TRPC4: variants seen among roughly 807,000 people sequenced by gnomAD.
The protein encoded by TRPC4 is short transient receptor potential channel 4.
TRPC4 carries 49 observed loss-of-function variants against 99.4 expected under a neutral mutation model. The ratio of observed to expected loss-of-function variants is 0.49; its 90% CI spans 0.39 to 0.63. The LOEUF (loss-of-function observed/expected upper bound fraction) is 0.63, where lower values mean the gene tolerates loss of function less well. Among genes scored for constraint, TRPC4 ranks in the 20% least tolerant of loss-of-function variants. The pLI, the probability that TRPC4 is intolerant of heterozygous loss-of-function variation, is 0.00. For synonymous variants in TRPC4, 454 were observed against 425.9 expected, an observed-to-expected ratio of 1.07 and a Z score of -0.81; for missense variants, 898 against 1,152.9, an observed-to-expected ratio of 0.78 and a Z score of 3.20.
At chr13:37,837,799 G>A (rs1411637833) in intron 1 of TRPC4, among the ~76,000 whole-genome samples, 1 of 152,132 alleles carries the variant, frequency 6.6e-6, no homozygotes, top group African/African-American at 2.4e-5. Context: ...ATAAGATGTG[G>A]GACGAGCCAG....
At position 37,637,179 on chromosome 13, in the gene TRPC4, C is replaced by T. The variant is rs1951556825; in HGVS notation, c.2658G>A (p.Leu886=). Residue 886 remains leucine, a synonymous_variant, in exon 11 of 11, where the codon CTG becomes CTA. Transcript: ENST00000379705. ...AAGPLERNIQ[L]ESRGLASRGD... ...CCCGTGAAGCTAATCCTCGAGATTC[C>T]AGTTGAATATTTCTCTCAAGTGGTC... is the stretch of plus-strand genomic sequence containing the variant. 2 of 1,613,702 alleles carry T rather than the reference C, an allele frequency of 1.2e-6. No homozygotes were observed. Among genetic ancestry groups the T allele is most frequent in the Admixed American group, 3.3e-5 (2 of 59,926 alleles).
rs770462488 is a variant in TRPC4, at chr13:37,753,559, A to AAGAG, written c.379-7108_379-7105dup. Among the ~76,000 whole-genome samples, 1,241 of 131,678 alleles carry AAGAG rather than the reference A, an allele frequency of 9.4e-3. 18 individuals carry two copies. The highest frequency in any genetic ancestry group is 0.021 in the African/African-American group (732 of 34,722). 86.4% of individuals were successfully genotyped at this position (131,678 alleles called of 152,430 possible). ...AGGAAAGATGAGAGACAGAGAAAGA[A>AAGAG]AGAGAGAGAGAGAGAAAGAGAGAGA... On this transcript the variant is annotated intron_variant, in intron 2 of 10. Coordinates refer to ENST00000379705, the MANE Select transcript of TRPC4 (RefSeq NM_016179.4).
intron 3 of TRPC4, among the ~76,000 whole-genome samples, chr13:37,694,597 T>C (rs1953847944): frequency 6.6e-6 from 1 of 152,258 alleles, no homozygotes; most frequent in African/African-American, 2.4e-5. Flanking sequence ...AAAGTTGCCA[T>C]TGCAAAGTGC....
intron 1 of TRPC4, among the ~76,000 whole-genome samples, chr13:37,788,775 T>C (rs986097198): frequency 2.0e-5 from 3 of 152,148 alleles, no homozygotes; most frequent in African/African-American, 7.2e-5. Flanking sequence ...TAAAATATCC[T>C]ATAAAATCTA....
intron 1 of TRPC4, among the ~76,000 whole-genome samples, chr13:37,799,342 C>T (rs1461223949): frequency 1.3e-5 from 2 of 152,146 alleles, no homozygotes; most frequent in Non-Finnish European, 2.9e-5. Context: ...CAAGACTGAT[C>T]TGATTTTTCT....
intron 3 of TRPC4, among the ~76,000 whole-genome samples, chr13:37,712,866 T>C (rs2138993309): frequency 6.6e-6 from 1 of 152,182 alleles, no homozygotes; most frequent in Admixed American, 6.6e-5. Context: ...TTATTGTGCA[T>C]TTGTATTTGT....
At chr13:37,695,317 C>A (rs1394970839) in intron 3 of TRPC4, among the ~76,000 whole-genome samples, 2 of 152,096 alleles carry the variant, frequency 1.3e-5, no homozygotes, top group African/African-American at 4.8e-5. Context: ...CTGAAGGACA[C>A]CCTCAGTGAG....
At chr13:37,733,593 A>G (rs74047141) in intron 3 of TRPC4, among the ~76,000 whole-genome samples, 3,406 of 152,256 alleles carry the variant, frequency 0.022, 92 homozygotes, top group African/African-American at 0.065. Context: ...ATTGATCTAC[A>G]TATTTAATCA....
intron 1 of TRPC4, among the ~76,000 whole-genome samples, chr13:37,797,053 G>A (rs569158569): frequency 3.4e-4 from 50 of 148,462 alleles, no homozygotes; most frequent in African/African-American, 1.1e-3. Context: ...GGTGGCTCAC[G>A]CTTGTAATCC....
At chr13:37,720,977 G>A (rs1308879586) in intron 3 of TRPC4, among the ~76,000 whole-genome samples, 3 of 152,174 alleles carry the variant, frequency 2.0e-5, no homozygotes, top group Non-Finnish European at 4.4e-5. Flanking sequence ...TATTTATTAT[G>A]AGTACTTGGA....
chr13:37,823,140 T>G (rs1289679289), intron 1 of TRPC4, among the ~76,000 whole-genome samples: 1 of 151,150 alleles, frequency 6.6e-6, no homozygotes, highest in Non-Finnish European at 1.5e-5. Context: ...CTTGTAAATT[T>G]GTTGGAGTTC....
chr13:37,794,749 A>G (rs1957204797), intron 1 of TRPC4, among the ~76,000 whole-genome samples: 2 of 152,128 alleles, frequency 1.3e-5, no homozygotes, highest in Admixed American at 1.3e-4. Flanking sequence ...TCAAGCTATA[A>G]CTTTTTACTT....
At position 37,821,190 on chromosome 13, in the gene TRPC4, C is replaced by A. The variant is rs1014336473; in HGVS notation, c.-27-37830G>T. Among the ~76,000 whole-genome samples, 425 of 136,024 alleles carry A rather than the reference C, an allele frequency of 3.1e-3. 1 individual carries two copies. Among genetic ancestry groups the A allele is most frequent in the African/African-American group, 0.011 (408 of 35,806 alleles). The allele number at this position is 136,024 out of a possible 152,430, so 89.2% of individuals were successfully genotyped here. A position where few individuals can be genotyped will look rare whatever the true frequency, so the allele number is the denominator to read the frequency against. On this transcript the variant is annotated intron_variant, in intron 1 of 10. Transcript: ENST00000379705. The stretch of plus-strand genomic sequence containing the variant: ...ATGAATGAAATCACATTCACAATAG[C>A]CACACACACACACACACACACACAC...
chr13:37,762,664 C>A (rs1170877684), intron 2 of TRPC4, among the ~76,000 whole-genome samples: 1 of 134,394 alleles, frequency 7.4e-6, no homozygotes, highest in Non-Finnish European at 1.5e-5. Flanking sequence ...GGGAATTGAA[C>A]AATGAGAACA....
intron 1 of TRPC4, among the ~76,000 whole-genome samples, chr13:37,809,481 A>C (rs1221588755): frequency 6.7e-6 from 1 of 148,448 alleles, no homozygotes; most frequent in East Asian, 2.0e-4. Context: ...TTTTTTTTTT[A>C]AATAACTGAC....
chr13:37,783,792 G>T (rs554042773), intron 1 of TRPC4, among the ~76,000 whole-genome samples: 1 of 152,180 alleles, frequency 6.6e-6, no homozygotes, highest in African/African-American at 2.4e-5. Context: ...TTGTGGAAAC[G>T]CTATTGAGAT....
intron 1 of TRPC4, among the ~76,000 whole-genome samples, chr13:37,866,079 C>G (rs1200496364): frequency 6.6e-6 from 1 of 151,706 alleles, no homozygotes; most frequent in Non-Finnish European, 1.5e-5. Context: ...ATTTCAAAAT[C>G]TAACAGCAAA....
At chr13:37,809,679 A>G (rs1957622690) in intron 1 of TRPC4, among the ~76,000 whole-genome samples, 1 of 152,064 alleles carries the variant, frequency 6.6e-6, no homozygotes. Context: ...AACAAAAGGT[A>G]AGTACAACTC....
chr13:37,830,449 C>T (rs1390796963), intron 1 of TRPC4, among the ~76,000 whole-genome samples: 1 of 151,860 alleles, frequency 6.6e-6, no homozygotes, highest in Non-Finnish European at 1.5e-5. Flanking sequence ...TGGCTGACGC[C>T]TGTAATCCCA....
Sources: gnomAD v4.1 joint callset for allele counts (sites outside exome capture counted in the v4.1 genomes callset) on GRCh38, gnomAD v4.1.1 for gene constraint, MANE v1.5 for transcripts, NCBI Gene and HGNC (gene_info 2026-07-23, HGNC 2026-07-21) for gene names.